Variants in DPYSL2 observed in about 807,000 individuals in gnomAD.
DPYSL2 encodes the protein dihydropyrimidinase like 2.
In DPYSL2, 13 loss-of-function variants were observed where a neutral mutation model predicts 69.9. The ratio of observed to expected loss-of-function variants is 0.19; its 90% CI spans 0.12 to 0.30. DPYSL2 has a LOEUF of 0.30. Ranked by LOEUF, DPYSL2 falls within the 10% of genes least tolerant of loss-of-function variation. DPYSL2 has a pLI of 1.00. For synonymous variants in DPYSL2, 326 were observed against 359.1 expected, an observed-to-expected ratio of 0.91 and a Z score of 1.04; for missense variants, 587 against 918.9, an observed-to-expected ratio of 0.64 and a Z score of 4.67.
chr8:26,598,923 TGC>T lies in DPYSL2; in HGVS notation c.628+14943_628+14944del, dbSNP rs1801928530. ...TTTCCCCACTGTGCGTATTCTTAGC[TGC>T]GCAAGTGTCGTGCATGTGCGTTTGG... is the stretch of plus-strand genomic sequence containing the variant. On this transcript the variant is annotated intron_variant, in intron 3 of 13. Transcript: ENST00000521913. This position sits in a 1 kb window ranked among gnomAD's most constrained non-coding sequence, Gnocchi z 4.2. Among the ~76,000 whole-genome samples, 1 of 152,260 alleles carries T rather than the reference TGC, an allele frequency of 6.6e-6. No homozygotes were observed. The highest frequency in any genetic ancestry group is 2.1e-4 in the South Asian group (1 of 4,834).
rs182332603 is a variant in DPYSL2 at position 26,599,723 on chromosome 8, A to G, written c.628+15740A>G. Among the ~76,000 whole-genome samples the G allele has an allele frequency of 5.0e-3, 760 of 152,250 alleles. 6 individuals carry two copies. Among genetic ancestry groups the G allele is most frequent in the African/African-American group, 0.017 (722 of 41,542 alleles). On this transcript the variant is annotated intron_variant, in intron 3 of 13. Transcript: ENST00000521913. ...TAGAGCAAGACCCTGTCTCAAAAAA[A>G]TAAATAAATAAAAATAAAAAATCTT...
intron 1 of DPYSL2, among the ~76,000 whole-genome samples, chr8:26,561,156 G>A (rs1405868262): frequency 2.6e-5 from 4 of 152,152 alleles, no homozygotes; most frequent in Non-Finnish European, 5.9e-5. Flanking sequence ...GGATGTGGGA[G>A]TGGTTATATC....
At position 26,587,546 on chromosome 8, in the gene DPYSL2, A is replaced by G. The variant is rs1434849519; in HGVS notation, c.628+3563A>G. Among the ~76,000 whole-genome samples the G allele has an allele frequency of 6.6e-6, 1 of 152,202 alleles. No homozygotes were observed. The highest frequency in any genetic ancestry group is 2.4e-5 in the African/African-American group (1 of 41,448). On this transcript the variant is annotated intron_variant, in intron 3 of 13. Transcript: ENST00000521913. This position sits in a 1 kb window ranked among gnomAD's most constrained non-coding sequence, Gnocchi z 4.2. ...CGCATGTAGAGGAAAACACAGCCAA[A>G]TATTCTCGGTTTAAAAAAGGAGATG...
At chr8:26,589,550 G>T (rs1563399162) in intron 3 of DPYSL2, among the ~76,000 whole-genome samples, 1 of 152,204 alleles carries the variant, frequency 6.6e-6, no homozygotes, top group Admixed American at 6.5e-5. Context: ...GAGGGAGGAG[G>T]GTTTAGGTAT....
intron 1 of DPYSL2, among the ~76,000 whole-genome samples, chr8:26,554,669 A>T (rs1267601574): frequency 6.6e-6 from 1 of 152,108 alleles, no homozygotes; most frequent in African/African-American, 2.4e-5. Flanking sequence ...TAAGCCTTTT[A>T]TCCATCTTGA....
At chr8:26,612,385 G>A (rs971425186) in intron 3 of DPYSL2, among the ~76,000 whole-genome samples, 14 of 152,204 alleles carry the variant, frequency 9.2e-5, no homozygotes, top group African/African-American at 3.4e-4. Flanking sequence ...GCATGAATAT[G>A]TTCATAAGAA....
rs1585568574 is a variant in DPYSL2, at chr8:26,642,465, T to C, written c.1127-974T>C. The stretch of plus-strand genomic sequence containing the variant: ...GCAAGAGAATGCCATGGAAAGATTA[T>C]ATTATAGTGGATCACTCTGGAAGTG... On this transcript the variant is annotated intron_variant, in intron 8 of 13. Transcript: ENST00000521913. The surrounding 1 kb of genome is among the most constrained non-coding windows in gnomAD (Gnocchi z 5.3). Among the ~76,000 whole-genome samples the C allele has an allele frequency of 6.6e-6, 1 of 152,162 alleles. No individual in the cohort carries two copies. Among genetic ancestry groups the C allele is most frequent in the East Asian group, 1.9e-4 (1 of 5,196 alleles).
At chr8:26,595,562 G>C (rs1338767084) in intron 3 of DPYSL2, among the ~76,000 whole-genome samples, 2 of 152,170 alleles carry the variant, frequency 1.3e-5, no homozygotes, top group Non-Finnish European at 2.9e-5. Context: ...TGCTAGGGGG[G>C]TTGCATTCCT....
At position 26,627,074 on chromosome 8, in the gene DPYSL2, T is replaced by C; in HGVS notation, c.856-141T>C. 1 of 721,604 alleles carries C rather than the reference T, an allele frequency of 1.4e-6. No homozygotes were observed. Among genetic ancestry groups the C allele is most frequent in the Non-Finnish European group, 2.4e-6 (1 of 421,312 alleles). 44.7% of individuals were successfully genotyped at this position (721,604 alleles called of 1,614,324 possible). ...GTGGCCAGTAACATTGCCCTCATCA[T>C]ATCAAAAAAAGTCAGGCTAATAGAA... is the stretch of plus-strand genomic sequence containing the variant. On this transcript the variant is annotated intron_variant, in intron 5 of 13. Coordinates refer to ENST00000521913, the MANE Select transcript of DPYSL2 (RefSeq NM_001197293.3). The surrounding 1 kb of genome is among the most constrained non-coding windows in gnomAD (Gnocchi z 6.9).
At chr8:26,573,530 G>A (rs1228198866) in intron 1 of DPYSL2, among the ~76,000 whole-genome samples, 5 of 151,942 alleles carry the variant, frequency 3.3e-5, no homozygotes, top group Non-Finnish European at 5.9e-5. Context: ...TTAGCTGGGC[G>A]TGGTGGTAGG....
chr8:26,514,753 C>G lies in DPYSL2; in HGVS notation c.354+74C>G. ...GCCCCTCCCTCGCCCCTGAGCCCGG[C>G]GCGCCCGCCTTCATGCCCCGCCCTG... On this transcript the variant is annotated intron_variant, in intron 1 of 13. Transcript: ENST00000521913. The surrounding 1 kb of genome is among the most constrained non-coding windows in gnomAD (Gnocchi z 8.4). 1 of 1,288,762 alleles carries G rather than the reference C, an allele frequency of 7.8e-7. No individual in the cohort carries two copies. The highest frequency in any genetic ancestry group is 1.0e-6 in the Non-Finnish European group (1 of 996,510). 79.8% of individuals were successfully genotyped at this position (1,288,762 alleles called of 1,614,324 possible). A position where few individuals can be genotyped will look rare whatever the true frequency, so the allele number is the denominator to read the frequency against.
chr8:26,656,373 G>A lies in DPYSL2; in HGVS notation c.*667G>A, dbSNP rs1396384708. ...CATTCTGTAGTCTTCAGGGTCAGCT[G>A]TTGATAAAGGGGCAGGCTTGCGTTA... is the stretch of plus-strand genomic sequence containing the variant. On this transcript the variant is annotated 3_prime_UTR_variant, in exon 14 of 14. Transcript: ENST00000521913. The A allele has an allele frequency of 1.3e-5, 2 of 152,542 alleles. No homozygotes were observed. The highest frequency in any genetic ancestry group is 4.8e-5 in the African/African-American group (2 of 41,408). 9.4% of individuals were successfully genotyped at this position (152,542 alleles called of 1,614,324 possible).
intron 3 of DPYSL2, among the ~76,000 whole-genome samples, chr8:26,608,190 A>G (rs1313931008): frequency 6.6e-6 from 1 of 152,212 alleles, no homozygotes. Flanking sequence ...ATACTTTTTT[A>G]AAAAACAGCT....
chr8:26,635,940 G>C lies in DPYSL2; in HGVS notation c.1126+1040G>C, dbSNP rs1218809717. 4.6e-5 allele frequency among the ~76,000 whole-genome samples: 7 copies of C among 152,176 alleles called. No individual in the cohort carries two copies. The East Asian group carries it at 1.2e-3, about 25-fold the overall frequency. ...CAATCCACATGGATCAAGGTGGGCT[G>C]TGGGATTTTTTTCACTGGCGGGTGA... is the stretch of plus-strand genomic sequence containing the variant. On this transcript the variant is annotated intron_variant, in intron 8 of 13. Transcript: ENST00000521913.
rs1316615410 is a variant in DPYSL2 at position 26,598,849 on chromosome 8, C to T, written c.628+14866C>T. 6.6e-6 allele frequency among the ~76,000 whole-genome samples: 1 copy of T among 152,092 alleles called. No homozygotes were observed. The highest frequency in any genetic ancestry group is 1.5e-5 in the Non-Finnish European group (1 of 68,020). On this transcript the variant is annotated intron_variant, in intron 3 of 13. Transcript: ENST00000521913. The surrounding 1 kb of genome is among the most constrained non-coding windows in gnomAD (Gnocchi z 4.2). ...GCGGTGGGGGTGGGGGAATGAAAGC[C>T]CAGAAAGGGATGTGGCACTCGGGCA... is the stretch of plus-strand genomic sequence containing the variant.
Position 26,652,380 on chromosome 8 carries a change from A to G in DPYSL2, c.1720A>G (p.Ile574Val), listed in dbSNP as rs1332249896. The part of the protein sequence containing the change: ...LHVTEGSGRY[I>V]PRKPFPDFVY... The stretch of plus-strand genomic sequence containing the variant: ...TGTCACCGAAGGCTCTGGACGCTAC[A>G]TTCCCCGGAAGCCCTTCCCTGATTT... Residue 574 changes from isoleucine (I) to valine (V), a missense_variant, in exon 12 of 14, where the codon ATT (isoleucine) becomes GTT (valine). Physicochemically the swap from Ile to Val is conservative, Grantham distance 29. This residue lies in a region of DPYSL2 where 452 missense variants were observed against 754.3 expected (regional missense o/e 0.60). Coordinates refer to ENST00000521913, the MANE Select transcript of DPYSL2 (RefSeq NM_001197293.3). The surrounding 1 kb of genome is among the most constrained non-coding windows in gnomAD (Gnocchi z 6.3). 1 of 1,614,208 alleles carries G rather than the reference A, an allele frequency of 6.2e-7. No homozygotes were observed. Among genetic ancestry groups the G allele is most frequent in the Non-Finnish European group, 8.5e-7 (1 of 1,180,026 alleles).
intron 1 of DPYSL2, among the ~76,000 whole-genome samples, chr8:26,575,474 T>C (rs1801312286): frequency 1.3e-5 from 2 of 152,228 alleles, no homozygotes; most frequent in African/African-American, 2.4e-5. Context: ...GACAGTTCTC[T>C]TCCTCGGTCA....
intron 1 of DPYSL2, among the ~76,000 whole-genome samples, chr8:26,535,451 C>T (rs10866852): frequency 0.35 from 52,716 of 151,758 alleles, 11,459 homozygotes; most frequent in East Asian, 0.67. Flanking sequence ...TAAGAAAAAC[C>T]CAACTAGAGA....
At chr8:26,537,656 G>A (rs1046611354) in intron 1 of DPYSL2, among the ~76,000 whole-genome samples, 2 of 112,598 alleles carry the variant, frequency 1.8e-5, no homozygotes, top group Admixed American at 2.0e-4. Flanking sequence ...TTTCTCATTC[G>A]AGAGTAAGTT....
Sources: allele counts gnomAD v4.1 joint callset (sites outside exome capture counted in the v4.1 genomes callset), GRCh38; gene constraint gnomAD v4.1.1; regional missense constraint gnomAD v4.1.1; non-coding constraint Gnocchi (gnomAD v3.1); transcripts MANE v1.5; gene names NCBI Gene and HGNC (gene_info 2026-07-23, HGNC 2026-07-21).